Variants in TBC1D8 observed in about 807,000 individuals in gnomAD.
TBC1D8 encodes the protein TBC1 domain family member 8.
A neutral mutation model predicts 118.8 loss-of-function variants in TBC1D8; 65 were observed. The observed-to-expected ratio is 0.55, with a 90% CI of 0.45 to 0.67. The LOEUF (loss-of-function observed/expected upper bound fraction) is 0.67. TBC1D8 is among the 30% of genes least tolerant of loss of function. The pLI, the probability that TBC1D8 is intolerant of heterozygous loss-of-function variation, is 0.00. For missense variants in TBC1D8, 1,376 were observed against 1,471.2 expected, an observed-to-expected ratio of 0.94 and a Z score of 1.06; for synonymous variants, 566 against 595.8, an observed-to-expected ratio of 0.95 and a Z score of 0.73.
At chr2:101,081,665 G>A (rs893654119) in intron 2 of TBC1D8, among the ~76,000 whole-genome samples, 1 of 152,184 alleles carries the variant, frequency 6.6e-6, no homozygotes, top group Non-Finnish European at 1.5e-5. Flanking sequence ...AGAGGAGACA[G>A]TCCACCTCAT....
chr2:101,054,054 G>A (rs932928575), intron 4 of TBC1D8, 54 bp downstream of exon 4: 1 of 1,516,468 alleles, frequency 6.6e-7, no homozygotes, highest in Non-Finnish European at 9.0e-7. Flanking sequence ...TGGGAGCAGC[G>A]CTGAGTCCCT....
intron 1 of TBC1D8, among the ~76,000 whole-genome samples, chr2:101,148,414 A>G (rs1431828807): frequency 6.6e-6 from 1 of 152,230 alleles, no homozygotes; most frequent in African/African-American, 2.4e-5. Flanking sequence ...CTGCCCTCAT[A>G]GAACAGGCAA....
chr2:101,105,409 C>A (rs1446952637), intron 1 of TBC1D8, among the ~76,000 whole-genome samples: 1 of 151,412 alleles, frequency 6.6e-6, no homozygotes, highest in African/African-American at 2.4e-5. Flanking sequence ...GTCAACATGG[C>A]GAAACCCTGT....
At chr2:101,072,947 G>A (rs1443557185) in intron 2 of TBC1D8, among the ~76,000 whole-genome samples, 1 of 152,156 alleles carries the variant, frequency 6.6e-6, no homozygotes, top group Non-Finnish European at 1.5e-5. Flanking sequence ...ATTCGAAGGG[G>A]ACAAAACACC....
At chr2:101,026,624 G>A (rs1385495539) in intron 15 of TBC1D8, among the ~76,000 whole-genome samples, 1 of 152,180 alleles carries the variant, frequency 6.6e-6, no homozygotes, top group African/African-American at 2.4e-5. Context: ...AGCTGGGGCA[G>A]CCACACCCCC....
rs200095563 is a variant in TBC1D8, at chr2:101,056,209, T to TA, written c.403-1874_403-1873insT. ...TGTAATGTAAAATTATTATTATTAT[T>TA]TTTTTTTTTTTTTTGAGACAGTCTC... On this transcript the variant is annotated intron_variant, in intron 3 of 19. Transcript: ENST00000409318. Among the ~76,000 whole-genome samples the TA allele has an allele frequency of 2.2e-3, 253 of 114,270 alleles. 1 individual carries two copies. The highest frequency in any genetic ancestry group is 3.7e-3 in the African/African-American group (60 of 16,056). The allele number at this position is 114,270 out of a possible 152,430, so 75.0% of individuals were successfully genotyped here. A position where few individuals can be genotyped will look rare whatever the true frequency, so the allele number is the denominator to read the frequency against.
intron 1 of TBC1D8, among the ~76,000 whole-genome samples, chr2:101,097,526 G>A (rs569174487): frequency 3.3e-5 from 5 of 151,502 alleles, no homozygotes; most frequent in African/African-American, 1.2e-4. Context: ...TCATAAAAAT[G>A]GCAGAGAAGA....
intron 5 of TBC1D8, among the ~76,000 whole-genome samples, chr2:101,047,123 G>A (rs1166323817): frequency 6.6e-6 from 1 of 152,090 alleles, no homozygotes; most frequent in Non-Finnish European, 1.5e-5. Context: ...CTGCCCTCTT[G>A]GACTCCGAGG....
intron 1 of TBC1D8, among the ~76,000 whole-genome samples, chr2:101,135,608 C>T (rs1424701381): frequency 6.6e-6 from 1 of 152,226 alleles, no homozygotes; most frequent in African/African-American, 2.4e-5. Flanking sequence ...ACTGTCCAAA[C>T]AAAGAGCAGG....
At chr2:101,054,448 C>A in intron 3 of TBC1D8, 112 bp from the exon 4 acceptor site, 1 of 1,084,510 alleles carries the variant, frequency 9.2e-7, no homozygotes, top group Non-Finnish European at 1.3e-6. Context: ...GAGAAGTGTG[C>A]GCTGCTTCAA....
intron 1 of TBC1D8, among the ~76,000 whole-genome samples, chr2:101,133,283 A>G (rs1481982314): frequency 6.6e-6 from 1 of 152,180 alleles, no homozygotes; most frequent in Admixed American, 6.5e-5. Context: ...ATCACATAGC[A>G]TATTAGAATG....
In TBC1D8 at chr2:101,031,681, C is replaced by G. The variant is rs564392251; in HGVS notation, c.1936+587G>C. 2.6e-5 allele frequency among the ~76,000 whole-genome samples: 4 copies of G among 152,284 alleles called. No individual in the cohort carries two copies. The East Asian group carries it at 7.7e-4, about 29-fold the overall frequency. ...CCAGTGCAGGAGCGTTGCAAGGCCA[C>G]AAGTTACCCAGAGTCCAGATAGCAG... is the stretch of plus-strand genomic sequence containing the variant. On this transcript the variant is annotated intron_variant, in intron 11 of 19. Coordinates refer to ENST00000409318, the MANE Select transcript of TBC1D8 (RefSeq NM_001330348.2).
At chr2:101,038,785 G>A (rs1681198579) in intron 6 of TBC1D8, 130 bp from the exon 7 acceptor site, 2 of 1,056,124 alleles carry the variant, frequency 1.9e-6, no homozygotes, top group South Asian at 2.9e-5. Flanking sequence ...GCAATGGCGA[G>A]AAAGTGGCAC....
intron 2 of TBC1D8, among the ~76,000 whole-genome samples, chr2:101,079,795 C>T (rs1479297118): frequency 6.8e-6 from 1 of 147,002 alleles, no homozygotes; most frequent in East Asian, 2.1e-4. Context: ...ACGCCATTCT[C>T]CTGCCTCAGC....
At chr2:101,093,816 C>T (rs1057119138) in intron 1 of TBC1D8, among the ~76,000 whole-genome samples, 19 of 152,014 alleles carry the variant, frequency 1.2e-4, no homozygotes, top group African/African-American at 4.6e-4. Context: ...TTCAAGCGAT[C>T]CTCCTGCCTC....
chr2:101,151,074 G>A (rs1679542751), intron 1 of TBC1D8, 53 bp downstream of exon 1: 2 of 971,798 alleles, frequency 2.1e-6, no homozygotes. Context: ...CGGGCCCGGC[G>A]GGGTGCGAGG....
intron 1 of TBC1D8, among the ~76,000 whole-genome samples, chr2:101,117,282 G>A (rs1048936456): frequency 6.6e-6 from 1 of 152,110 alleles, no homozygotes; most frequent in Non-Finnish European, 1.5e-5. Flanking sequence ...CTGAGACAAT[G>A]CCCAACTCAG....
intron 2 of TBC1D8, chr2:101,068,564 ACT>A: frequency 5.4e-6 from 3 of 557,152 alleles, no homozygotes; most frequent in Non-Finnish European, 9.9e-6. Context: ...AAAATCTCTG[ACT>A]CTGGTAAAAT....
rs759599916 is a variant in TBC1D8 at position 101,022,422 on chromosome 2, G to A, written c.2620C>T (p.Arg874Trp). The stretch of plus-strand genomic sequence containing the variant: ...AGCTGAAACAGGTGTGCAAACTGCC[G>A]GGCATCTATGCGGTACTGCTCAGCA... ...PYAEQYRIDARQFAHLFQLVS... is the reference protein window; with the variant it reads ...PYAEQYRIDAWQFAHLFQLVS... The change falls in exon 16 of 20, where the codon CGG becomes TGG. Residue 874 changes from arginine (R) to tryptophan (W), a missense_variant. Coordinates refer to ENST00000409318, the MANE Select transcript of TBC1D8 (RefSeq NM_001330348.2). The A allele has an allele frequency of 9.3e-6, 15 of 1,613,116 alleles. 1 individual carries two copies. Among genetic ancestry groups the A allele is most frequent in the Admixed American group, 8.4e-5 (5 of 59,744 alleles).
Sources: gnomAD v4.1 joint callset for allele counts (sites outside exome capture counted in the v4.1 genomes callset) on GRCh38, gnomAD v4.1.1 for gene constraint, MANE v1.5 for transcripts, NCBI Gene and HGNC (gene_info 2026-07-23, HGNC 2026-07-21) for gene names.